RBKS: variants seen among roughly 807,000 people sequenced by gnomAD.
The protein encoded by RBKS is ribokinase.
In RBKS, 33 loss-of-function variants were observed where a neutral mutation model predicts 33.9. The ratio of observed to expected loss-of-function variants is 0.97; its 90% CI spans 0.74 to 1.30. The LOEUF (loss-of-function observed/expected upper bound fraction) is 1.30. RBKS is among the 50% of genes most tolerant of loss of function. The pLI is 0.00. For synonymous variants in RBKS, 125 were observed against 143.0 expected (o/e 0.87, Z 0.90); for missense variants, 361 against 392.6 (o/e 0.92, Z 0.68).
At chr2:27,834,158 A>G (rs1404808610) in intron 5 of RBKS, among the ~76,000 whole-genome samples, 1 of 152,208 alleles carries the variant, frequency 6.6e-6, no homozygotes, top group Non-Finnish European at 1.5e-5. Context: ...GGAGATGCTA[A>G]TCAGCACGTG....
In RBKS at chr2:27,795,116, A is replaced by G. The variant is rs1677641331; in HGVS notation, c.796-13328T>C. Reference sequence around the variant, plus strand: ...GTTAAACTCTTACGAGAGGTCGGAAATCTCGTCCATGTCTTTCCCTGCTGA... The same window carrying G: ...GTTAAACTCTTACGAGAGGTCGGAAGTCTCGTCCATGTCTTTCCCTGCTGA... On this transcript the variant is annotated intron_variant, in intron 7 of 7. Transcript: ENST00000302188. The surrounding 1 kb of genome is among the most constrained non-coding windows in gnomAD (Gnocchi z 4.1). Among the ~76,000 whole-genome samples, 1 of 152,172 alleles carries G rather than the reference A, an allele frequency of 6.6e-6. No individual in the cohort carries two copies. Among genetic ancestry groups the G allele is most frequent in the African/African-American group, 2.4e-5 (1 of 41,448 alleles).
intron 7 of RBKS, among the ~76,000 whole-genome samples, chr2:27,823,922 TTTAAAGGGG>T (rs1678264645): frequency 6.6e-6 from 1 of 152,188 alleles, no homozygotes; most frequent in Non-Finnish European, 1.5e-5. Flanking sequence ...AAATTCACTC[TTTAAAGGGG>T]TATGCTTTAG....
rs1664319722 is a variant in RBKS at position 27,876,563 on chromosome 2, TA to T, written c.89+13693del. Among the ~76,000 whole-genome samples the T allele has an allele frequency of 8.5e-5, 13 of 152,296 alleles. No individual in the cohort carries two copies. In the South Asian group the frequency reaches 2.5e-3, roughly 29 times the overall value. On this transcript the variant is annotated intron_variant, in intron 1 of 7. Transcript: ENST00000302188. ...TGCTAAGTGAAATAAGTAAGTCACATAACGGCAAACACTGCATAATTCCACT... is the reference window on the plus strand; with the variant it reads ...TGCTAAGTGAAATAAGTAAGTCACATACGGCAAACACTGCATAATTCCACT...
Position 27,866,424 on chromosome 2 carries a change from GTTCA to G in RBKS, c.90-7857_90-7854del, listed in dbSNP as rs558528706. ...TTATATCATGCTCATCCTGCTGGATGTTCATTGTTTGCATAGTTTGCATCAAGTT... is the reference window on the plus strand; with the variant it reads ...TTATATCATGCTCATCCTGCTGGATGTTGTTTGCATAGTTTGCATCAAGTT... On this transcript the variant is annotated intron_variant, in intron 1 of 7. Transcript: ENST00000302188. 1.4e-3 allele frequency among the ~76,000 whole-genome samples: 218 copies of G among 152,216 alleles called. 1 individual carries two copies. The highest frequency in any genetic ancestry group is 4.9e-3 in the African/African-American group (205 of 41,536).
rs185854388 is a variant in RBKS at position 27,830,412 on chromosome 2, C to T, written c.606+2274G>A. Among the ~76,000 whole-genome samples the T allele has an allele frequency of 3.5e-3, 533 of 151,940 alleles. 1 individual carries two copies. Among genetic ancestry groups the T allele is most frequent in the African/African-American group, 0.012 (506 of 41,422 alleles). ...TCCTGAGTAGCTGGGCTTACAGGCA[C>T]GTGCCACCATGCCCAGCTAATTTTT... is the stretch of plus-strand genomic sequence containing the variant. On this transcript the variant is annotated intron_variant, in intron 6 of 7. Transcript: ENST00000302188.
intron 7 of RBKS, among the ~76,000 whole-genome samples, chr2:27,801,763 C>G (rs1176396503): frequency 6.6e-6 from 1 of 151,364 alleles, no homozygotes; most frequent in Non-Finnish European, 1.5e-5. Context: ...AGCTTTCACT[C>G]ATGGTGGAGG....
intron 1 of RBKS, among the ~76,000 whole-genome samples, chr2:27,867,051 C>T (rs892638662): frequency 2.0e-5 from 3 of 150,946 alleles, no homozygotes; most frequent in Admixed American, 2.0e-4. Flanking sequence ...CTGCAGTGAG[C>T]TCTGATTGCA....
chr2:27,867,440 G>A (rs1036646646), intron 1 of RBKS, among the ~76,000 whole-genome samples: 2 of 152,100 alleles, frequency 1.3e-5, no homozygotes, highest in Non-Finnish European at 2.9e-5. Flanking sequence ...TGAAATTTCC[G>A]AATTGAAAAT....
intron 1 of RBKS, among the ~76,000 whole-genome samples, chr2:27,867,101 C>T (rs1225412784): frequency 1.2e-4 from 1 of 8,646 alleles, no homozygotes; most frequent in Non-Finnish European, 2.8e-4. Flanking sequence ...AAGACCCTGT[C>T]TCAAAAAAAA....
At chr2:27,850,126 GAT>G (rs1663709469) in intron 2 of RBKS, among the ~76,000 whole-genome samples, 3 of 152,170 alleles carry the variant, frequency 2.0e-5, no homozygotes, top group African/African-American at 7.2e-5. Context: ...CTGACTGCTA[GAT>G]ATGTTTTGTT....
In RBKS at chr2:27,842,990, C is replaced by G. The variant is rs1178922401; in HGVS notation, c.514+77G>C. On this transcript the variant is annotated intron_variant, in intron 5 of 7. Transcript: ENST00000302188. The stretch of plus-strand genomic sequence containing the variant: ...TTACGACAGAAAGAGTATTGCTTTG[C>G]TTAACTTAAAAGGTTAACTTTAATT... 58 of 1,125,596 alleles carry G rather than the reference C, an allele frequency of 5.2e-5. No homozygotes were observed. The South Asian group carries it at 1.1e-3, about 21-fold the overall frequency. The allele number at this position is 1,125,596 out of a possible 1,614,324, so 69.7% of individuals were successfully genotyped here.
chr2:27,782,132 TCTTA>T (rs1309018868), intron 7 of RBKS, among the ~76,000 whole-genome samples: 2 of 152,136 alleles, frequency 1.3e-5, no homozygotes, highest in African/African-American at 4.8e-5. Flanking sequence ...TGTGATAGTT[TCTTA>T]GACATTCTTT....
At chr2:27,816,383 C>G (rs751550524) in intron 7 of RBKS, among the ~76,000 whole-genome samples, 1 of 152,184 alleles carries the variant, frequency 6.6e-6, no homozygotes, top group Non-Finnish European at 1.5e-5. Context: ...CCTTTCCTTA[C>G]AGTCAGTGAA....
intron 1 of RBKS, among the ~76,000 whole-genome samples, chr2:27,863,067 AAAAGG>A (rs1421772378): frequency 6.6e-6 from 1 of 152,242 alleles, no homozygotes; most frequent in African/African-American, 2.4e-5. Flanking sequence ...AATTAAAAAG[AAAAGG>A]AAACAGTATT....
chr2:27,785,310 A>C (rs981358110), intron 7 of RBKS, among the ~76,000 whole-genome samples: 1 of 152,240 alleles, frequency 6.6e-6, no homozygotes, highest in African/African-American at 2.4e-5. Context: ...AATCCTTGCA[A>C]TACATGTAAC....
intron 7 of RBKS, among the ~76,000 whole-genome samples, chr2:27,799,854 C>T (rs898476292): frequency 6.6e-6 from 1 of 152,190 alleles, no homozygotes; most frequent in Admixed American, 6.5e-5. Context: ...TCTGCGCTCT[C>T]TTCCAAGTTC....
chr2:27,810,971 C>T lies in RBKS; in HGVS notation c.795+16596G>A, dbSNP rs1453091767. ...CAGAAGTGTGAATTCTCAGAAGTGG[C>T]AAAGGAAGCCCTTTACAACCCAACC... is the stretch of plus-strand genomic sequence containing the variant. On this transcript the variant is annotated intron_variant, in intron 7 of 7. Transcript: ENST00000302188. This position sits in a 1 kb window ranked among gnomAD's most constrained non-coding sequence, Gnocchi z 4.4. 6.6e-6 allele frequency among the ~76,000 whole-genome samples: 1 copy of T among 152,198 alleles called. No homozygotes were observed. Among genetic ancestry groups the T allele is most frequent in the African/African-American group, 2.4e-5 (1 of 41,440 alleles).
At chr2:27,801,799 T>C (rs1448169990) in intron 7 of RBKS, among the ~76,000 whole-genome samples, 1 of 151,220 alleles carries the variant, frequency 6.6e-6, no homozygotes, top group Admixed American at 6.6e-5. Context: ...GCATGGCACA[T>C]GGGGAGAGCA....
intron 2 of RBKS, among the ~76,000 whole-genome samples, chr2:27,853,411 C>A (rs1663790708): frequency 6.7e-6 from 1 of 149,738 alleles, no homozygotes; most frequent in Admixed American, 6.7e-5. Context: ...GTAATCCCAG[C>A]ACTTTGGGAG....
Sources: gnomAD v4.1 joint callset for allele counts (sites outside exome capture counted in the v4.1 genomes callset) on GRCh38, gnomAD v4.1.1 for gene constraint, Gnocchi (gnomAD v3.1) non-coding constraint, MANE v1.5 for transcripts, NCBI Gene and HGNC (gene_info 2026-07-23, HGNC 2026-07-21) for gene names.